Variants in EPHA6 observed in about 807,000 individuals in gnomAD.
EPHA6 encodes ephrin type-A receptor 6.
A neutral mutation model predicts 112.0 loss-of-function variants in EPHA6; 50 were observed. The observed-to-expected ratio is 0.45, with a 90% CI of 0.36 to 0.56. The LOEUF is 0.56. Ranked by LOEUF, EPHA6 falls within the 20% of genes least tolerant of loss-of-function variation. EPHA6 has a pLI of 0.00. For missense variants in EPHA6, 1,280 were observed against 1,417.4 expected (o/e 0.90, Z 1.56); for synonymous variants, 529 against 490.7 (o/e 1.08, Z -1.03).
At chr3:97,275,697 C>A (rs2080050294) in intron 5 of EPHA6, among the ~76,000 whole-genome samples, 1 of 151,956 alleles carries the variant, frequency 6.6e-6, no homozygotes, top group Non-Finnish European at 1.5e-5. Context: ...GGCTTTAATC[C>A]TTTTAAAGCG....
intron 3 of EPHA6, among the ~76,000 whole-genome samples, chr3:97,220,701 T>C (rs2078169997): frequency 6.6e-6 from 1 of 152,164 alleles, no homozygotes; most frequent in South Asian, 2.1e-4. Context: ...ACGTGGTCTC[T>C]CCCTTGACAC....
At chr3:97,241,325 G>A (rs2078839429) in intron 4 of EPHA6, among the ~76,000 whole-genome samples, 1 of 151,782 alleles carries the variant, frequency 6.6e-6, no homozygotes, top group Non-Finnish European at 1.5e-5. Flanking sequence ...AAGTTAGTCT[G>A]GAGGGTGAAG....
chr3:97,427,516 A>G (rs1340278893), intron 6 of EPHA6, among the ~76,000 whole-genome samples: 1 of 152,126 alleles, frequency 6.6e-6, no homozygotes. Context: ...ATAGAGGAAT[A>G]ACAGACACTG....
intron 10 of EPHA6, among the ~76,000 whole-genome samples, chr3:97,489,252 T>A (rs551240677): frequency 6.6e-6 from 1 of 152,388 alleles, no homozygotes; most frequent in African/African-American, 2.4e-5. Flanking sequence ...CATGCAGAAT[T>A]CAACAGTCAA....
At chr3:97,643,859 G>A (rs1430624148) in intron 14 of EPHA6, among the ~76,000 whole-genome samples, 5 of 150,378 alleles carry the variant, frequency 3.3e-5, no homozygotes, top group African/African-American at 4.9e-5. Flanking sequence ...ACACCCCACT[G>A]TCAACATTAG....
At chr3:96,980,404 G>T (rs1290220548) in intron 2 of EPHA6, among the ~76,000 whole-genome samples, 1 of 152,108 alleles carries the variant, frequency 6.6e-6, no homozygotes, top group African/African-American at 2.4e-5. Flanking sequence ...CTGTTCCATT[G>T]GTCTATATCT....
intron 14 of EPHA6, among the ~76,000 whole-genome samples, chr3:97,705,837 A>G (rs188739414): frequency 6.6e-6 from 1 of 152,270 alleles, no homozygotes; most frequent in African/African-American, 2.4e-5. Flanking sequence ...TTGTGATATC[A>G]TTTGAAGATG....
rs1454482117 is a variant in EPHA6 at position 97,244,000 on chromosome 3, C to T, written c.1319C>T (p.Ala440Val). ...RNVVFNINETALILEWSPPSD... is the reference protein window; with the variant it reads ...RNVVFNINETVLILEWSPPSD... ...GTGGTTTTTAACATCAATGAAACAG[C>T]CCTTATTTTGGAATGGAGCCCACCA... The change falls in exon 5 of 18, where the codon GCC becomes GTC. Residue 440 changes from alanine (A) to valine (V), a missense_variant. Ala to Val is a moderately conservative substitution (Grantham distance 64). Transcript: ENST00000389672. 2 of 1,612,090 alleles carry T rather than the reference C, an allele frequency of 1.2e-6. No individual in the cohort carries two copies. The highest frequency in any genetic ancestry group is 2.2e-5 in the East Asian group (1 of 44,806).
intron 14 of EPHA6, chr3:97,646,243 A>G: frequency 6.5e-7 from 1 of 1,535,614 alleles, no homozygotes; most frequent in Non-Finnish European, 8.7e-7. Context: ...TGGAAGAGAA[A>G]CAGAAGGGCC....
intron 5 of EPHA6, among the ~76,000 whole-genome samples, chr3:97,392,098 A>G (rs186208280): frequency 0.01 from 1,578 of 151,968 alleles, 16 homozygotes; most frequent in Middle Eastern, 0.031. Context: ...TAAGCCACAT[A>G]TATTACTTTA....
intron 3 of EPHA6, among the ~76,000 whole-genome samples, chr3:97,118,941 A>T (rs1559739719): frequency 6.6e-6 from 1 of 152,000 alleles, no homozygotes; most frequent in Non-Finnish European, 1.5e-5. Context: ...TAATATGAAG[A>T]TTGCATCAGC....
intron 5 of EPHA6, among the ~76,000 whole-genome samples, chr3:97,250,801 A>G (rs1221059518): frequency 6.6e-6 from 1 of 152,198 alleles, no homozygotes; most frequent in East Asian, 1.9e-4. Flanking sequence ...TGATTTGGAT[A>G]ACTGATTCAT....
intron 5 of EPHA6, among the ~76,000 whole-genome samples, chr3:97,364,344 G>GTT (rs61089323): frequency 2.0e-3 from 277 of 136,314 alleles, no homozygotes; most frequent in African/African-American, 6.7e-3. Context: ...TGGAGTTTTA[G>GTT]TTTTTTTTTT....
intron 3 of EPHA6, among the ~76,000 whole-genome samples, chr3:97,186,487 A>T (rs1412158844): frequency 6.6e-6 from 1 of 152,100 alleles, no homozygotes. Context: ...CCTTGATCTT[A>T]TCAAGCTTCT....
intron 3 of EPHA6, among the ~76,000 whole-genome samples, chr3:97,060,671 G>T (rs1469529215): frequency 6.6e-6 from 1 of 152,034 alleles, no homozygotes. Flanking sequence ...CAGCACTTTG[G>T]GAGGCCGAGG....
At chr3:97,083,634 CAA>C (rs1467936381) in intron 3 of EPHA6, among the ~76,000 whole-genome samples, 4 of 151,826 alleles carry the variant, frequency 2.6e-5, no homozygotes, top group African/African-American at 9.7e-5. Context: ...TTCTTCTACC[CAA>C]GTCTGTACTT....
At chr3:96,999,563 T>C (rs1444286415) in intron 3 of EPHA6, among the ~76,000 whole-genome samples, 1 of 151,572 alleles carries the variant, frequency 6.6e-6, no homozygotes, top group Non-Finnish European at 1.5e-5. Flanking sequence ...ATAGAGGGAG[T>C]TGCTATTAAA....
chr3:97,706,448 A>G (rs1430079906), intron 14 of EPHA6, among the ~76,000 whole-genome samples: 3 of 152,208 alleles, frequency 2.0e-5, no homozygotes, highest in Non-Finnish European at 4.4e-5. Flanking sequence ...TGATGGTAAC[A>G]TTGTGAAATC....
At position 97,248,875 on chromosome 3, in the gene EPHA6, C is replaced by A. The variant is rs11918568; in HGVS notation, c.1606+4588C>A. Among the ~76,000 whole-genome samples, 1,063 of 152,180 alleles carry A rather than the reference C, an allele frequency of 7.0e-3. 17 individuals are homozygous for A. The highest frequency in any genetic ancestry group is 0.025 in the African/African-American group (1,019 of 41,538). Reference sequence around the variant, plus strand: ...AAATACAGTCTATTTCAAATGCCAACCTTTTACATGTTGCTGGAGTAAGTA... The same window carrying A: ...AAATACAGTCTATTTCAAATGCCAAACTTTTACATGTTGCTGGAGTAAGTA... On this transcript the variant is annotated intron_variant, in intron 5 of 17. Transcript: ENST00000389672.
Sources: gnomAD v4.1 joint callset for allele counts (sites outside exome capture counted in the v4.1 genomes callset) on GRCh38, gnomAD v4.1.1 for gene constraint, MANE v1.5 for transcripts, NCBI Gene and HGNC (gene_info 2026-07-23, HGNC 2026-07-21) for gene names.